The following PHLDB2 variants were observed in gnomAD, a reference collection of about 807,000 sequenced individuals.
PHLDB2 encodes pleckstrin homology-like domain family B member 2.
In PHLDB2, 71 loss-of-function variants were observed where a neutral mutation model predicts 123.6. That is an observed-to-expected ratio of 0.57 (90% CI 0.47 to 0.70). The LOEUF is 0.70. Among genes scored for constraint, PHLDB2 ranks in the 30% least tolerant of loss-of-function variants. The probability of loss-of-function intolerance (pLI) is 0.00; values close to 1 mark genes in which losing one functional copy is unlikely to be tolerated. For synonymous variants in PHLDB2, 547 were observed against 541.6 expected (o/e 1.01, Z -0.14); for missense variants, 1,446 against 1,519.5 (o/e 0.95, Z 0.80).
intron 1 of PHLDB2, chr3:111,845,707 T>A: frequency 8.2e-7 from 1 of 1,221,634 alleles, no homozygotes; most frequent in Non-Finnish European, 1.2e-6. Flanking sequence ...CAGTAGTTAG[T>A]TTCCCCGGAT....
At chr3:111,742,014 C>G (rs1576489681) in intron 1 of PHLDB2, among the ~76,000 whole-genome samples, 1 of 152,170 alleles carries the variant, frequency 6.6e-6, no homozygotes, top group South Asian at 2.1e-4. Flanking sequence ...ATACAGCAGA[C>G]TGCACATCAT....
chr3:111,835,092 G>A (rs2063338956), intron 1 of PHLDB2, among the ~76,000 whole-genome samples: 1 of 152,110 alleles, frequency 6.6e-6, no homozygotes. Flanking sequence ...GAGAATGAGA[G>A]AGAGATTTAC....
At chr3:111,933,346 G>A (rs770174989) in intron 6 of PHLDB2, among the ~76,000 whole-genome samples, 6 of 152,174 alleles carry the variant, frequency 3.9e-5, no homozygotes, top group African/African-American at 7.2e-5. Flanking sequence ...TGGGAATGGG[G>A]AGGTTGAAAA....
intron 1 of PHLDB2, among the ~76,000 whole-genome samples, chr3:111,775,258 A>G (rs1346178164): frequency 6.6e-6 from 1 of 152,148 alleles, no homozygotes; most frequent in Non-Finnish European, 1.5e-5. Flanking sequence ...ATTTTGCTAG[A>G]TGCAGGGTTG....
chr3:111,852,860 C>T (rs975365987), intron 2 of PHLDB2, among the ~76,000 whole-genome samples: 6 of 152,032 alleles, frequency 3.9e-5, no homozygotes, highest in Middle Eastern at 3.4e-3. Flanking sequence ...AGAAGGAGAA[C>T]GTTTAATGCA....
intron 1 of PHLDB2, among the ~76,000 whole-genome samples, chr3:111,809,355 C>A (rs2108321012): frequency 6.6e-6 from 1 of 152,280 alleles, no homozygotes; most frequent in South Asian, 2.1e-4. Flanking sequence ...TTTTCTTCTG[C>A]CTTTGGGTGA....
At chr3:111,769,675 G>A (rs1360683396) in intron 1 of PHLDB2, among the ~76,000 whole-genome samples, 12 of 152,204 alleles carry the variant, frequency 7.9e-5, no homozygotes, top group Non-Finnish European at 1.0e-4. Context: ...AGTGCACTTT[G>A]TAGAAAAAAC....
At chr3:111,943,996 G>A (rs1412103146) in intron 8 of PHLDB2, among the ~76,000 whole-genome samples, 11 of 152,060 alleles carry the variant, frequency 7.2e-5, no homozygotes, top group Non-Finnish European at 1.6e-4. Flanking sequence ...TCCATCAATA[G>A]GAGCATGGAT....
intron 1 of PHLDB2, among the ~76,000 whole-genome samples, chr3:111,834,159 T>A (rs62635976): frequency 0.063 from 1,525 of 24,052 alleles, 124 homozygotes; most frequent in Non-Finnish European, 0.098. Flanking sequence ...TTATATATAT[T>A]ATATATGTAA....
At chr3:111,776,875 C>T (rs2108068548) in intron 1 of PHLDB2, among the ~76,000 whole-genome samples, 1 of 152,226 alleles carries the variant, frequency 6.6e-6, no homozygotes, top group African/African-American at 2.4e-5. Context: ...GATGCTTAAG[C>T]TGAAGACACT....
intron 1 of PHLDB2, among the ~76,000 whole-genome samples, chr3:111,740,647 A>C (rs2059587487): frequency 6.6e-6 from 1 of 152,154 alleles, no homozygotes; most frequent in African/African-American, 2.4e-5. Flanking sequence ...GTTGACTGTC[A>C]CAACCGTATT....
intron 1 of PHLDB2, among the ~76,000 whole-genome samples, chr3:111,735,284 A>G (rs540241087): frequency 3.2e-4 from 48 of 152,276 alleles, no homozygotes; most frequent in Middle Eastern, 6.8e-3. Flanking sequence ...TCTGCAACCC[A>G]AAGAGACCCA....
chr3:111,893,087 C>T (rs1176454797), intron 2 of PHLDB2, among the ~76,000 whole-genome samples: 1 of 94,200 alleles, frequency 1.1e-5, no homozygotes, highest in African/African-American at 3.2e-5. Flanking sequence ...CCTAGTGAGT[C>T]CTGACCACCC....
chr3:111,911,660 C>T (rs975916075), intron 2 of PHLDB2: 15 of 1,536,204 alleles, frequency 9.8e-6, no homozygotes, highest in Middle Eastern at 3.3e-4. Context: ...GAGTGCCTGC[C>T]GTGGGAAGAG....
rs563613643 is a variant in PHLDB2, at chr3:111,908,711, A to G, written c.1336-4608A>G. The stretch of plus-strand genomic sequence containing the variant: ...CCTGTGTCCAGAAAGAGGTGAACTG[A>G]TTGTAATAGCCCAGTTACTACCCTC... On this transcript the variant is annotated intron_variant, in intron 2 of 17. Transcript: ENST00000431670. 6.8e-4 allele frequency among the ~76,000 whole-genome samples: 103 copies of G among 152,346 alleles called. 4 individuals carry two copies. The South Asian group carries it at 0.02, about 30-fold the overall frequency.
intron 2 of PHLDB2, among the ~76,000 whole-genome samples, chr3:111,852,385 ATAT>A (rs1364704679): frequency 8.1e-5 from 12 of 148,458 alleles, no homozygotes; most frequent in South Asian, 2.1e-4. Context: ...ACATAAATTA[ATAT>A]TATACATAGG....
chr3:111,939,990 C>T (rs1316745402), intron 7 of PHLDB2, among the ~76,000 whole-genome samples: 1 of 152,142 alleles, frequency 6.6e-6, no homozygotes, highest in East Asian at 1.9e-4. Flanking sequence ...CTCAGTAGTT[C>T]TCAAAACTGG....
intron 2 of PHLDB2, among the ~76,000 whole-genome samples, chr3:111,893,037 A>G (rs2066592312): frequency 6.6e-6 from 1 of 152,116 alleles, no homozygotes; most frequent in Non-Finnish European, 1.5e-5. Context: ...CTCCACATGT[A>G]GATTTTTGCT....
At chr3:111,897,955 A>C (rs1344864848) in intron 2 of PHLDB2, among the ~76,000 whole-genome samples, 5 of 152,250 alleles carry the variant, frequency 3.3e-5, no homozygotes, top group African/African-American at 9.6e-5. Flanking sequence ...CTATACTGTA[A>C]TATATTAAGT....
Sources: gnomAD v4.1 joint callset for allele counts (sites outside exome capture counted in the v4.1 genomes callset) on GRCh38, gnomAD v4.1.1 for gene constraint, MANE v1.5 for transcripts, NCBI Gene and HGNC (gene_info 2026-07-23, HGNC 2026-07-21) for gene names.